The following NBEAL1 variants were observed in gnomAD, a reference collection of about 807,000 sequenced individuals.
NBEAL1 encodes the protein neurobeachin-like protein 1.
NBEAL1 carries 273 observed loss-of-function variants against 351.3 expected under a neutral mutation model. The observed-to-expected ratio is 0.78, with a 90% CI of 0.70 to 0.86. NBEAL1 has a LOEUF of 0.86. Ranked by LOEUF, NBEAL1 falls within the 40% of genes least tolerant of loss-of-function variation. The pLI is 0.00. For missense variants in NBEAL1, 2,961 were observed against 3,201.3 expected (o/e 0.92, Z 1.81); for synonymous variants, 1,050 against 1,086.4 (o/e 0.97, Z 0.66).
rs1559393337 is a variant in NBEAL1 at position 203,135,882 on chromosome 2, C to A, written c.4019C>A (p.Thr1340Lys). Residue 1340 changes from threonine to lysine, a missense_variant, in exon 28 of 56, where the codon ACA (threonine) becomes AAA (lysine). Thr to Lys is a moderately conservative substitution (Grantham distance 78). Coordinates refer to ENST00000683969, the MANE Select transcript of NBEAL1 (RefSeq NM_001378026.1). ...EDTKKNSDEKTDEEKITSFAS... is the reference protein window; with the variant it reads ...EDTKKNSDEKKDEEKITSFAS... ...ACCAAGAAGAACTCTGATGAAAAAA[C>A]AGATGAGGAAAAAATCACCTCTTTT... 1 of 1,614,056 alleles carries A rather than the reference C, an allele frequency of 6.2e-7. No homozygotes were observed. The highest frequency in any genetic ancestry group is 8.5e-7 in the Non-Finnish European group (1 of 1,179,978).
chr2:203,164,906 G>A (rs2064087031), intron 36 of NBEAL1, among the ~76,000 whole-genome samples: 3 of 146,146 alleles, frequency 2.1e-5, no homozygotes, highest in South Asian at 2.1e-4. Context: ...TTGTTGCCCA[G>A]GCTGGAGTAC....
In NBEAL1 at chr2:203,116,627, CA is replaced by C. The variant is rs3053110; in HGVS notation, c.2592+571del. Among the ~76,000 whole-genome samples, 321 of 136,886 alleles carry C rather than the reference CA, an allele frequency of 2.3e-3. 1 individual carries two copies. The highest frequency in any genetic ancestry group is 5.1e-3 in the African/African-American group (186 of 36,816). The allele number at this position is 136,886 out of a possible 152,430, so 89.8% of individuals were successfully genotyped here. A position where few individuals can be genotyped will look rare whatever the true frequency, so the allele number is the denominator to read the frequency against. ...TCTCTATAAAACTTATGAAAAATGCCAAAAAAAAAAAAAATAGCCAGTTTTA... is the reference window on the plus strand; with the variant it reads ...TCTCTATAAAACTTATGAAAAATGCCAAAAAAAAAAAAATAGCCAGTTTTA... On this transcript the variant is annotated intron_variant, in intron 18 of 55. Coordinates refer to ENST00000683969, the MANE Select transcript of NBEAL1 (RefSeq NM_001378026.1).
chr2:203,202,153 G>C (rs1018035070), intron 50 of NBEAL1, among the ~76,000 whole-genome samples: 2 of 151,970 alleles, frequency 1.3e-5, no homozygotes, highest in Non-Finnish European at 2.9e-5. Context: ...ACATTGAGTA[G>C]GTTTTTTTCT....
chr2:203,032,492 C>A (rs1324768487), intron 2 of NBEAL1, among the ~76,000 whole-genome samples: 1 of 151,366 alleles, frequency 6.6e-6, no homozygotes, highest in African/African-American at 2.4e-5. Context: ...CCCGTCTCTA[C>A]TAAAAATGCA....
At chr2:203,047,983 A>G (rs557516620) in intron 3 of NBEAL1, among the ~76,000 whole-genome samples, 13 of 152,142 alleles carry the variant, frequency 8.5e-5, no homozygotes, top group African/African-American at 2.9e-4. Context: ...CTGATTTGGC[A>G]TAGGTTTCAA....
intron 35 of NBEAL1, among the ~76,000 whole-genome samples, chr2:203,151,853 T>A (rs935344740): frequency 2.7e-4 from 41 of 152,332 alleles, no homozygotes; most frequent in South Asian, 1.2e-3. Flanking sequence ...TCAACTGTTA[T>A]GTCTCTTGCA....
At chr2:203,202,281 A>G (rs963870417) in intron 50 of NBEAL1, among the ~76,000 whole-genome samples, 1 of 152,182 alleles carries the variant, frequency 6.6e-6, no homozygotes, top group African/African-American at 2.4e-5. Context: ...AATTTATAGT[A>G]TAGTATGTGC....
intron 54 of NBEAL1, 123 bp downstream of exon 54, chr2:203,211,229 T>C: frequency 1.6e-6 from 1 of 634,228 alleles, no homozygotes; most frequent in Non-Finnish European, 2.3e-6. Flanking sequence ...AAAGTTTCTC[T>C]TTTAGCAAGT....
At chr2:203,047,267 A>G (rs1297625874) in intron 3 of NBEAL1, among the ~76,000 whole-genome samples, 1 of 152,094 alleles carries the variant, frequency 6.6e-6, no homozygotes, top group East Asian at 1.9e-4. Flanking sequence ...ACATACAAGT[A>G]GACATGTAGT....
At chr2:203,082,945 C>G (rs182273156) in intron 8 of NBEAL1, among the ~76,000 whole-genome samples, 5 of 152,262 alleles carry the variant, frequency 3.3e-5, no homozygotes, top group South Asian at 4.2e-4. Flanking sequence ...TAAAATGATA[C>G]CCTCTTCATA....
chr2:203,138,785 A>C, intron 31 of NBEAL1, 37 bp downstream of exon 31: 1 of 1,583,486 alleles, frequency 6.3e-7, no homozygotes, highest in South Asian at 1.2e-5. Flanking sequence ...CTGTGCTTGC[A>C]TGCAGCATAG....
At chr2:203,190,205 CA>C (rs2065030246) in intron 45 of NBEAL1, 86 bp from the exon 46 acceptor site, 5 of 528,310 alleles carry the variant, frequency 9.5e-6, no homozygotes, top group African/African-American at 6.7e-5. Flanking sequence ...CACACACACA[CA>C]CACCAATGAG....
At chr2:203,087,090 C>CTTTTT (rs1003638123) in intron 10 of NBEAL1, among the ~76,000 whole-genome samples, 12 of 121,042 alleles carry the variant, frequency 9.9e-5, no homozygotes, top group East Asian at 2.4e-4. Flanking sequence ...CTTTTTCACT[C>CTTTTT]TTTTTTTTTT....
chr2:203,210,379 A>T (rs1159356213), intron 53 of NBEAL1, among the ~76,000 whole-genome samples: 1 of 136,076 alleles, frequency 7.3e-6, no homozygotes. Flanking sequence ...AAAAAAAAAA[A>T]GTCTGGGCGC....
chr2:203,112,909 A>G (rs977517347), intron 16 of NBEAL1, 106 bp from the exon 17 acceptor site: 3 of 1,074,812 alleles, frequency 2.8e-6, no homozygotes, highest in Non-Finnish European at 2.5e-6. Flanking sequence ...TTTATTTTCA[A>G]TGTATTTATT....
intron 36 of NBEAL1, among the ~76,000 whole-genome samples, chr2:203,158,444 A>G (rs1411795897): frequency 1.3e-5 from 2 of 152,238 alleles, no homozygotes; most frequent in African/African-American, 4.8e-5. Context: ...CTGCAAGAAG[A>G]AACAGATAAC....
rs2062474967 is a variant in NBEAL1, at chr2:203,108,032, A to G, written c.1793A>G (p.Tyr598Cys). 2 of 1,553,814 alleles carry G rather than the reference A, an allele frequency of 1.3e-6. No homozygotes were observed. Among genetic ancestry groups the G allele is most frequent in the South Asian group, 1.2e-5 (1 of 84,236 alleles). Reference sequence around the variant, plus strand: ...CTAAGTCTAGAGAGTGCCCTCCAGTATTTCAATTTGTCACATAGTATGGCA... The same window carrying G: ...CTAAGTCTAGAGAGTGCCCTCCAGTGTTTCAATTTGTCACATAGTATGGCA... ...RKLSLESALQ[Y>C]FNLSHSMAGI... The change falls in exon 14 of 56, where the codon TAT (tyrosine) becomes TGT (cysteine). Residue 598 changes from tyrosine (Y) to cysteine (C), a missense_variant. Tyr to Cys is a radical substitution (Grantham distance 194). Coordinates refer to ENST00000683969, the MANE Select transcript of NBEAL1 (RefSeq NM_001378026.1).
chr2:203,188,770 A>C (rs1251002997), intron 45 of NBEAL1, among the ~76,000 whole-genome samples, 181 bp downstream of exon 45: 3 of 152,206 alleles, frequency 2.0e-5, no homozygotes, highest in Non-Finnish European at 4.4e-5. Context: ...TATATATGCC[A>C]ATCTAATTAT....
chr2:203,145,765 T>A (rs1575040591), intron 33 of NBEAL1, among the ~76,000 whole-genome samples: 1 of 127,412 alleles, frequency 7.8e-6, no homozygotes, highest in African/African-American at 3.1e-5. Context: ...GCCACTGCAC[T>A]CCAGCCTGGG....
Sources: allele counts gnomAD v4.1 joint callset (sites outside exome capture counted in the v4.1 genomes callset), GRCh38; gene constraint gnomAD v4.1.1; transcripts MANE v1.5; gene names NCBI Gene and HGNC (gene_info 2026-07-23, HGNC 2026-07-21).